The following MGAT5 variants were observed in gnomAD, a reference collection of about 807,000 sequenced individuals.
MGAT5 encodes alpha-1,6-mannosylglycoprotein 6-beta-N-acetylglucosaminyltransferase.
MGAT5 carries 30 observed loss-of-function variants against 94.3 expected under a neutral mutation model. The ratio of observed to expected loss-of-function variants is 0.32; its 90% CI spans 0.24 to 0.43. MGAT5 has a LOEUF of 0.43. Ranked by LOEUF, MGAT5 falls within the 20% of genes least tolerant of loss-of-function variation. MGAT5 has a pLI of 1.00. For synonymous variants in MGAT5, 310 were observed against 322.9 expected, an observed-to-expected ratio of 0.96 and a Z score of 0.43; for missense variants, 691 against 905.5, an observed-to-expected ratio of 0.76 and a Z score of 3.04.
At chr2:134,317,712 A>G in intron 3 of MGAT5, 107 bp downstream of exon 3, 1 of 683,934 alleles carries the variant, frequency 1.5e-6, no homozygotes, top group South Asian at 2.5e-5. Context: ...AGCCCTTGAC[A>G]TGGATCATTT....
intron 1 of MGAT5, among the ~76,000 whole-genome samples, chr2:134,179,625 A>G (rs757814326): frequency 1.1e-4 from 17 of 152,232 alleles, no homozygotes; most frequent in Non-Finnish European, 2.4e-4. Context: ...GGTCACCCGT[A>G]GGATCGGAAC....
intron 10 of MGAT5, among the ~76,000 whole-genome samples, chr2:134,381,506 A>G (rs1681612699): frequency 1.5e-5 from 2 of 133,198 alleles, no homozygotes; most frequent in African/African-American, 2.8e-5. Context: ...AGACAGACAG[A>G]CAGACCAGAC....
chr2:134,225,107 G>A (rs889875303), intron 1 of MGAT5, among the ~76,000 whole-genome samples: 125 of 151,024 alleles, frequency 8.3e-4, no homozygotes, highest in Admixed American at 1.5e-3. Context: ...AAAAAATGCG[G>A]TGGAAATCGG....
intron 1 of MGAT5, among the ~76,000 whole-genome samples, chr2:134,239,172 G>T (rs1485309764): frequency 6.6e-6 from 1 of 151,862 alleles, no homozygotes; most frequent in African/African-American, 2.4e-5. Flanking sequence ...CTAATTTTTT[G>T]TATTTTTCGT....
At chr2:134,308,768 C>CT (rs906791693) in intron 2 of MGAT5, among the ~76,000 whole-genome samples, 7 of 152,286 alleles carry the variant, frequency 4.6e-5, no homozygotes, top group Non-Finnish European at 7.3e-5. Context: ...AGTATGGTGG[C>CT]TTATGCCTGT....
intron 8 of MGAT5, among the ~76,000 whole-genome samples, 197 bp downstream of exon 8, chr2:134,345,261 A>C (rs1688852839): frequency 6.6e-6 from 1 of 152,184 alleles, no homozygotes; most frequent in African/African-American, 2.4e-5. Flanking sequence ...GTTTCTTAGA[A>C]AACAAGTGTC....
rs1363293468 is a variant in MGAT5, at chr2:134,151,696, C to A, written c.-143+31405C>A. Among the ~76,000 whole-genome samples, 6 of 128,996 alleles carry A rather than the reference C, an allele frequency of 4.7e-5. 1 individual carries two copies. The highest frequency in any genetic ancestry group is 1.9e-4 in the African/African-American group (6 of 30,802). The allele number at this position is 128,996 out of a possible 152,430, so 84.6% of individuals were successfully genotyped here. ...GTGGGACCCACTCACTGCCATGGGA[C>A]CTCACTCACCCATGCCCTGTGGGAC... On this transcript the variant is annotated intron_variant, in intron 1 of 16. Coordinates refer to the MGAT5 transcript ENST00000409645.
intron 10 of MGAT5, among the ~76,000 whole-genome samples, chr2:134,382,889 A>G (rs957696467): frequency 6.6e-6 from 1 of 152,254 alleles, no homozygotes; most frequent in Non-Finnish European, 1.5e-5. Flanking sequence ...TTTATGCCAC[A>G]TATTTGTGTT....
chr2:134,415,905 C>T (rs1172677851), intron 12 of MGAT5, among the ~76,000 whole-genome samples: 2 of 152,130 alleles, frequency 1.3e-5, no homozygotes, highest in Non-Finnish European at 1.5e-5. Flanking sequence ...TTGTCAGCGT[C>T]GTTGGGAATC....
At chr2:134,146,730 G>T (rs1686937745) in intron 1 of MGAT5, among the ~76,000 whole-genome samples, 1 of 152,098 alleles carries the variant, frequency 6.6e-6, no homozygotes, top group Non-Finnish European at 1.5e-5. Context: ...TGGATCGCTG[G>T]GTACCGGCAT....
At chr2:134,318,300 T>G (rs1456697106) in intron 3 of MGAT5, among the ~76,000 whole-genome samples, 1 of 152,062 alleles carries the variant, frequency 6.6e-6, no homozygotes, top group African/African-American at 2.4e-5. Flanking sequence ...GGAACTGGAG[T>G]TCCTGGAGGG....
At chr2:134,138,374 T>TAA (rs560396228) in intron 1 of MGAT5, among the ~76,000 whole-genome samples, 3 of 152,282 alleles carry the variant, frequency 2.0e-5, no homozygotes, top group African/African-American at 7.2e-5. Context: ...AGAGCATAAA[T>TAA]AAAGTCCAGA....
At chr2:134,359,252 A>G (rs1679936141) in intron 9 of MGAT5, among the ~76,000 whole-genome samples, 2 of 152,232 alleles carry the variant, frequency 1.3e-5, no homozygotes. Context: ...CCTCTGAAGC[A>G]TGGTTTACCA....
chr2:134,244,154 C>T (rs188468535), intron 1 of MGAT5, among the ~76,000 whole-genome samples: 543 of 152,302 alleles, frequency 3.6e-3, no homozygotes, highest in Non-Finnish European at 5.5e-3. Flanking sequence ...TTTCATTCAA[C>T]ATTAAGGAGA....
intron 13 of MGAT5, among the ~76,000 whole-genome samples, chr2:134,426,477 G>T (rs1684595610): frequency 6.6e-6 from 1 of 152,118 alleles, no homozygotes; most frequent in South Asian, 2.1e-4. Context: ...TTGTTGGAAT[G>T]GTGCTTGGGT....
intron 2 of MGAT5, among the ~76,000 whole-genome samples, chr2:134,285,178 T>C (rs11895125): frequency 0.092 from 14,043 of 152,130 alleles, 1,521 homozygotes; most frequent in African/African-American, 0.26. Context: ...CCAAGTTATG[T>C]AGGAAATTTG....
At chr2:134,429,478 G>A (rs556278476) in intron 14 of MGAT5, among the ~76,000 whole-genome samples, 11 of 152,254 alleles carry the variant, frequency 7.2e-5, no homozygotes, top group African/African-American at 2.4e-4. Context: ...ACATGACTTG[G>A]GCATGTTACT....
intron 1 of MGAT5, among the ~76,000 whole-genome samples, chr2:134,263,278 T>G (rs563469034): frequency 1.6e-4 from 25 of 152,198 alleles, no homozygotes; most frequent in Non-Finnish European, 3.1e-4. Context: ...GCTTAAGAAC[T>G]CTATTCAGGT....
intron 15 of MGAT5, among the ~76,000 whole-genome samples, chr2:134,445,208 A>G (rs1167357805): frequency 6.6e-6 from 1 of 152,158 alleles, no homozygotes; most frequent in Non-Finnish European, 1.5e-5. Flanking sequence ...GCCCCGCACC[A>G]TGTTGCTGGG....
Sources: gnomAD v4.1 joint callset for allele counts (sites outside exome capture counted in the v4.1 genomes callset) on GRCh38, gnomAD v4.1.1 for gene constraint, MANE v1.5 for transcripts, NCBI Gene and HGNC (gene_info 2026-07-23, HGNC 2026-07-21) for gene names.